DENND1A: variants seen among roughly 807,000 people sequenced by gnomAD.
DENND1A encodes the protein DENN domain-containing protein 1A.
In DENND1A, 51 loss-of-function variants were observed where a neutral mutation model predicts 113.7. The ratio of observed to expected loss-of-function variants is 0.45; its 90% confidence interval spans 0.36 to 0.57. DENND1A has a LOEUF of 0.57. DENND1A is among the 20% of genes least tolerant of loss of function. The pLI is 0.00. For synonymous variants in DENND1A, 565 were observed against 570.8 expected (o/e 0.99, Z 0.14); for missense variants, 1,258 against 1,395.9 (o/e 0.90, Z 1.57).
At chr9:123,633,350 G>A (rs752567837) in intron 9 of DENND1A, among the ~76,000 whole-genome samples, 5 of 152,180 alleles carry the variant, frequency 3.3e-5, no homozygotes, top group Non-Finnish European at 5.9e-5. Context: ...TTAATGGGAT[G>A]TGTCCTGAAT....
chr9:123,692,094 G>A (rs1037615345), intron 5 of DENND1A, among the ~76,000 whole-genome samples: 14 of 152,118 alleles, frequency 9.2e-5, no homozygotes, highest in African/African-American at 1.4e-4. Flanking sequence ...CTGTTCCTTC[G>A]TCTCTCCAAG....
chr9:123,874,699 C>G lies in DENND1A; in HGVS notation c.88+4252G>C, dbSNP rs372947113. 3.3e-5 allele frequency among the ~76,000 whole-genome samples: 5 copies of G among 152,204 alleles called. No homozygotes were observed. The East Asian group carries it at 9.6e-4, about 29-fold the overall frequency. On this transcript the variant is annotated intron_variant, in intron 2 of 23. Coordinates refer to ENST00000394215, the MANE Select transcript of DENND1A (RefSeq NM_001352964.2). ...GGGGTTCAATCTCATTAGTCTTCAA[C>G]AAAAAGCAAATAAAAAACAACAAGG...
chr9:123,750,630 G>A (rs754299043), intron 5 of DENND1A, among the ~76,000 whole-genome samples: 3 of 152,180 alleles, frequency 2.0e-5, no homozygotes, highest in Non-Finnish European at 4.4e-5. Flanking sequence ...ACAGTATCCA[G>A]CTTACTTTTA....
chr9:123,816,861 G>A (rs1056781130), intron 2 of DENND1A, among the ~76,000 whole-genome samples: 1 of 152,202 alleles, frequency 6.6e-6, no homozygotes, highest in Non-Finnish European at 1.5e-5. Context: ...GAGAGGCACT[G>A]TAAATGCAGA....
At chr9:123,508,579 CAT>C (rs1407568003) in intron 13 of DENND1A, among the ~76,000 whole-genome samples, 1 of 152,212 alleles carries the variant, frequency 6.6e-6, no homozygotes, top group Non-Finnish European at 1.5e-5. Context: ...TGGACATCCA[CAT>C]GTGTGTAATT....
intron 1 of DENND1A, among the ~76,000 whole-genome samples, chr9:123,898,401 C>T (rs1588139137): frequency 6.6e-6 from 1 of 152,274 alleles, no homozygotes; most frequent in East Asian, 1.9e-4. Flanking sequence ...ATGAACACAG[C>T]TTACTGCAGC....
intron 5 of DENND1A, among the ~76,000 whole-genome samples, chr9:123,703,845 T>C (rs2066022015): frequency 6.6e-6 from 1 of 152,082 alleles, no homozygotes; most frequent in South Asian, 2.1e-4. Flanking sequence ...ACAGAGAACT[T>C]TTGGGAGTGA....
intron 5 of DENND1A, among the ~76,000 whole-genome samples, chr9:123,698,344 G>A (rs886420953): frequency 5.3e-5 from 8 of 152,200 alleles, no homozygotes; most frequent in Non-Finnish European, 8.8e-5. Context: ...AAATGGTTTA[G>A]AGCTATATCT....
At position 123,420,552 on chromosome 9, in the gene DENND1A, G is replaced by A. The variant is rs574978308; in HGVS notation, c.1489-8723C>T. Among the ~76,000 whole-genome samples, 53 of 152,244 alleles carry A rather than the reference G, an allele frequency of 3.5e-4. No individual in the cohort carries two copies. The East Asian group carries it at 6.0e-3, about 17-fold the overall frequency. ...TCAGGGGCTCGCCAGTCCTGTCAAC[G>A]ACTCTCTCCGGCTGGGTCCGGGCAC... On this transcript the variant is annotated intron_variant, in intron 19 of 23. Transcript: ENST00000394215.
intron 5 of DENND1A, among the ~76,000 whole-genome samples, chr9:123,682,461 C>T (rs2064529937): frequency 1.3e-5 from 2 of 152,234 alleles, no homozygotes; most frequent in South Asian, 4.1e-4. Flanking sequence ...GAGAGGTATC[C>T]CTTTCTTTCT....
chr9:123,403,588 C>T (rs1258602528), intron 20 of DENND1A, 98 bp from the exon 21 acceptor site: 24 of 1,127,746 alleles, frequency 2.1e-5, no homozygotes, highest in Admixed American at 2.0e-4. Context: ...CCCCAAAAAA[C>T]GTTTAGGGAT....
At chr9:123,731,827 T>C (rs1254158654) in intron 5 of DENND1A, among the ~76,000 whole-genome samples, 2 of 152,204 alleles carry the variant, frequency 1.3e-5, no homozygotes, top group Middle Eastern at 3.4e-3. Flanking sequence ...AAATCATATA[T>C]CTGAAAAAAG....
At chr9:123,863,456 C>T (rs1340883697) in intron 2 of DENND1A, among the ~76,000 whole-genome samples, 2 of 152,324 alleles carry the variant, frequency 1.3e-5, no homozygotes, top group East Asian at 3.9e-4. Flanking sequence ...CATGGTGGGG[C>T]TTAGAGCAAA....
intron 1 of DENND1A, among the ~76,000 whole-genome samples, chr9:123,924,594 T>C (rs1312610333): frequency 6.7e-6 from 1 of 148,910 alleles, no homozygotes; most frequent in Non-Finnish European, 1.5e-5. Flanking sequence ...GAGGTAGCAG[T>C]GAGCCAAGAT....
At chr9:123,477,172 C>T (rs893042193) in intron 13 of DENND1A, among the ~76,000 whole-genome samples, 2 of 152,206 alleles carry the variant, frequency 1.3e-5, no homozygotes, top group Admixed American at 1.3e-4. Flanking sequence ...GCCTGGCTTG[C>T]TCCTTTATCT....
chr9:123,752,073 A>C (rs900575695), intron 5 of DENND1A: 1 of 152,246 alleles, frequency 6.6e-6, no homozygotes, highest in Non-Finnish European at 1.5e-5. Flanking sequence ...GTCCATGAAC[A>C]GTGCACCTAG....
intron 13 of DENND1A, among the ~76,000 whole-genome samples, chr9:123,542,925 T>C (rs1239713011): frequency 6.6e-6 from 1 of 152,160 alleles, no homozygotes; most frequent in Non-Finnish European, 1.5e-5. Context: ...TTGTAAACAA[T>C]GAAAGTAGTC....
At chr9:123,929,334 C>T (rs79159838) in intron 1 of DENND1A, among the ~76,000 whole-genome samples, 4,336 of 152,266 alleles carry the variant, frequency 0.028, 92 homozygotes, top group Non-Finnish European at 0.043. Context: ...GACCTTGCTG[C>T]GTGGAGATTT....
intron 19 of DENND1A, among the ~76,000 whole-genome samples, chr9:123,431,102 C>A (rs999856511): frequency 1.3e-5 from 2 of 152,318 alleles, no homozygotes; most frequent in Non-Finnish European, 2.9e-5. Context: ...CCAACAATTT[C>A]TCTTTTGGAT....
Sources: allele counts gnomAD v4.1 joint callset (sites outside exome capture counted in the v4.1 genomes callset), GRCh38; gene constraint gnomAD v4.1.1; transcripts MANE v1.5; gene names NCBI Gene and HGNC (gene_info 2026-07-23, HGNC 2026-07-21).